WSCD2: variants seen among roughly 807,000 people sequenced by gnomAD.
The protein encoded by WSCD2 is sialate:O-sulfotransferase 2.
WSCD2 carries 28 observed loss-of-function variants against 55.7 expected under a neutral mutation model. The observed-to-expected ratio is 0.50, with a 90% CI of 0.37 to 0.69. The LOEUF (loss-of-function observed/expected upper bound fraction) is 0.69, where lower values mean the gene tolerates loss of function less well. Among genes scored for constraint, WSCD2 ranks in the 30% least tolerant of loss-of-function variants. The probability of loss-of-function intolerance (pLI) is 0.00; values close to 1 mark genes in which losing one functional copy is unlikely to be tolerated. For missense variants in WSCD2, 616 were observed against 762.1 expected, an observed-to-expected ratio of 0.81 and a Z score of 2.26; for synonymous variants, 301 against 301.9, an observed-to-expected ratio of 1.00 and a Z score of 0.03.
chr12:108,198,372 CA>C (rs991013997), intron 2 of WSCD2, among the ~76,000 whole-genome samples: 2 of 152,234 alleles, frequency 1.3e-5, no homozygotes, highest in East Asian at 1.9e-4. Context: ...CTCCAAGTCT[CA>C]TCTTTGCTAA....
chr12:108,165,510 C>T (rs912080761), intron 1 of WSCD2, among the ~76,000 whole-genome samples: 13 of 152,164 alleles, frequency 8.5e-5, no homozygotes, highest in Admixed American at 6.5e-4. Context: ...GGATTATAGG[C>T]ATGAGCCACT....
intron 1 of WSCD2, among the ~76,000 whole-genome samples, chr12:108,137,887 G>A (rs1026920200): frequency 2.6e-5 from 4 of 152,222 alleles, no homozygotes; most frequent in African/African-American, 9.6e-5. Context: ...CCTAGACAGT[G>A]TCTGGTGTGT....
chr12:108,143,914 G>A (rs933055743), intron 1 of WSCD2, among the ~76,000 whole-genome samples: 1 of 152,156 alleles, frequency 6.6e-6, no homozygotes, highest in South Asian at 2.1e-4. Flanking sequence ...CAGGACAGGT[G>A]GGTCCCATAG....
intron 2 of WSCD2, among the ~76,000 whole-genome samples, chr12:108,204,421 A>G (rs1885073682): frequency 6.7e-6 from 1 of 150,206 alleles, no homozygotes; most frequent in Admixed American, 6.6e-5. Flanking sequence ...CCTCTTGCCT[A>G]TCCTACAATG....
chr12:108,223,780 T>C (rs1000366785), intron 4 of WSCD2, among the ~76,000 whole-genome samples: 5 of 152,076 alleles, frequency 3.3e-5, no homozygotes, highest in Non-Finnish European at 5.9e-5. Flanking sequence ...GGACAGCCCA[T>C]AGCCAAAAAC....
chr12:108,171,099 A>C (rs1880195193), intron 1 of WSCD2, among the ~76,000 whole-genome samples: 1 of 152,158 alleles, frequency 6.6e-6, no homozygotes, highest in Non-Finnish European at 1.5e-5. Context: ...GACACAAGTC[A>C]CTCAAATCTC....
intron 3 of WSCD2, 126 bp downstream of exon 3, chr12:108,206,529 T>C: frequency 1.2e-6 from 1 of 868,224 alleles, no homozygotes; most frequent in South Asian, 1.6e-5. Context: ...CAGGAAAGGT[T>C]GACGCAAGGG....
At chr12:108,226,881 T>A in intron 5 of WSCD2, 109 bp from the exon 6 acceptor site, 1 of 1,336,892 alleles carries the variant, frequency 7.5e-7, no homozygotes, top group Non-Finnish European at 1.0e-6. Context: ...TAAGGGAGAC[T>A]GACAGAGAAG....
At chr12:108,151,146 A>G (rs1877955213) in intron 1 of WSCD2, among the ~76,000 whole-genome samples, 1 of 152,046 alleles carries the variant, frequency 6.6e-6, no homozygotes, top group Admixed American at 6.5e-5. Context: ...CTACTGGTCA[A>G]ACTGCTGACC....
chr12:108,186,539 C>T (rs1237407675), intron 1 of WSCD2, among the ~76,000 whole-genome samples: 1 of 152,242 alleles, frequency 6.6e-6, no homozygotes, highest in East Asian at 1.9e-4. Context: ...TCAGCAACCA[C>T]TGATCTTTTT....
At chr12:108,179,393 T>C (rs1483444834) in intron 1 of WSCD2, among the ~76,000 whole-genome samples, 4 of 152,204 alleles carry the variant, frequency 2.6e-5, no homozygotes, top group African/African-American at 7.2e-5. Flanking sequence ...AGTTGCCTGA[T>C]TGGATCAAAC....
rs947871999 is a variant in WSCD2 at position 108,129,315 on chromosome 12, C to T, written c.-1163C>T. On this transcript the variant is annotated 5_prime_UTR_variant, in exon 1 of 9. Transcript: ENST00000547525. ...GGCGCGCTGCTGGTGGCGGCGGCGG[C>T]AGCGGCGCGGGAGCTAGGGCTGGAG... is the stretch of plus-strand genomic sequence containing the variant. 6.6e-6 allele frequency among the ~76,000 whole-genome samples: 1 copy of T among 152,090 alleles called. No individual in the cohort carries two copies. Among genetic ancestry groups the T allele is most frequent in the Non-Finnish European group, 1.5e-5 (1 of 67,976 alleles).
chr12:108,132,200 G>A (rs1875630187), intron 1 of WSCD2, among the ~76,000 whole-genome samples: 1 of 152,228 alleles, frequency 6.6e-6, no homozygotes, highest in Non-Finnish European at 1.5e-5. Context: ...CATCAGTGGG[G>A]AAGGCAGACC....
intron 3 of WSCD2, among the ~76,000 whole-genome samples, chr12:108,207,717 C>T (rs1408344239): frequency 1.3e-5 from 2 of 151,890 alleles, no homozygotes; most frequent in Non-Finnish European, 2.9e-5. Flanking sequence ...AACACTGTCC[C>T]CTTTAAAATC....
At chr12:108,157,538 T>G (rs1878642794) in intron 1 of WSCD2, among the ~76,000 whole-genome samples, 1 of 152,216 alleles carries the variant, frequency 6.6e-6, no homozygotes, top group African/African-American at 2.4e-5. Context: ...TCCACAGTTT[T>G]CCCTTTTTTG....
intron 7 of WSCD2, among the ~76,000 whole-genome samples, chr12:108,238,193 TGGA>T (rs745721738): frequency 9.2e-5 from 14 of 152,348 alleles, no homozygotes; most frequent in African/African-American, 2.2e-4. Flanking sequence ...CATTCTCCTC[TGGA>T]GGAGATTTTT....
chr12:108,153,662 G>T (rs536543011), intron 1 of WSCD2, among the ~76,000 whole-genome samples: 14 of 152,348 alleles, frequency 9.2e-5, no homozygotes, highest in African/African-American at 3.1e-4. Context: ...GTCACCTGCA[G>T]TGCCATGTTC....
chr12:108,132,938 G>A (rs770080181), intron 1 of WSCD2, among the ~76,000 whole-genome samples: 5 of 152,098 alleles, frequency 3.3e-5, no homozygotes, highest in Admixed American at 1.3e-4. Context: ...GATTGTCTCT[G>A]TATGTGTGTG....
Position 108,240,486 on chromosome 12 carries a change from C to T in WSCD2, c.1287C>T (p.Phe429=). The change falls in exon 8 of 9, where the codon TTC becomes TTT. Residue 429 remains phenylalanine, a synonymous_variant. Coordinates refer to ENST00000547525, the MANE Select transcript of WSCD2 (RefSeq NM_014653.4). ...CCTACAAAGCCCTCATGGCTGAGTT[C>T]AACCGCAAGTACGGCGGCCACATAG... The part of the protein sequence containing the change: ...RNPYKALMAE[F]NRKYGGHIGF... 1 of 1,613,142 alleles carries T rather than the reference C, an allele frequency of 6.2e-7. No homozygotes were observed. Among genetic ancestry groups the T allele is most frequent in the Non-Finnish European group, 8.5e-7 (1 of 1,179,768 alleles).
Sources: gnomAD v4.1 joint callset for allele counts (sites outside exome capture counted in the v4.1 genomes callset) on GRCh38, gnomAD v4.1.1 for gene constraint, MANE v1.5 for transcripts, NCBI Gene and HGNC (gene_info 2026-07-23, HGNC 2026-07-21) for gene names.